The following CDH12 variants were observed in gnomAD, a reference collection of about 807,000 sequenced individuals.
CDH12 encodes cadherin 12, also known as cadherin-12.
A neutral mutation model predicts 74.1 loss-of-function variants in CDH12; 41 were observed. That is an observed-to-expected ratio of 0.55 (90% CI 0.43 to 0.72). The LOEUF is 0.72. CDH12 is among the 30% of genes least tolerant of loss of function. The probability of loss-of-function intolerance (pLI) is 0.00; values close to 1 mark genes in which losing one functional copy is unlikely to be tolerated. For missense variants in CDH12, 945 were observed against 977.2 expected, an observed-to-expected ratio of 0.97 and a Z score of 0.44; for synonymous variants, 399 against 355.0, an observed-to-expected ratio of 1.12 and a Z score of -1.39.
At chr5:22,546,968 T>C (rs1196817483) in intron 1 of CDH12, among the ~76,000 whole-genome samples, 2 of 152,140 alleles carry the variant, frequency 1.3e-5, no homozygotes, top group Non-Finnish European at 2.9e-5. Context: ...AAATAAAGCA[T>C]AGATCTGTTT....
At chr5:22,367,557 A>G (rs1254035404) in intron 3 of CDH12, among the ~76,000 whole-genome samples, 8 of 152,298 alleles carry the variant, frequency 5.3e-5, no homozygotes, top group South Asian at 2.1e-4. Flanking sequence ...ATACCTTGTG[A>G]CAGCAGAGAA....
chr5:22,337,754 C>A (rs979610214), intron 3 of CDH12, among the ~76,000 whole-genome samples: 1 of 152,030 alleles, frequency 6.6e-6, no homozygotes, highest in African/African-American at 2.4e-5. Flanking sequence ...ATACAATGGA[C>A]AAAATATTGG....
chr5:22,427,248 A>C (rs1265318531), intron 2 of CDH12, among the ~76,000 whole-genome samples: 1 of 151,934 alleles, frequency 6.6e-6, no homozygotes, highest in East Asian at 1.9e-4. Flanking sequence ...GCTCACTGCA[A>C]CCTCCGCCTC....
At chr5:22,507,967 C>A (rs10472482) in intron 1 of CDH12, among the ~76,000 whole-genome samples, 18,680 of 152,144 alleles carry the variant, frequency 0.12, 1,152 homozygotes, top group South Asian at 0.16. Context: ...CAAATTTCTT[C>A]CTCCTCCTTT....
At chr5:22,723,131 G>T (rs1004658496) in intron 1 of CDH12, among the ~76,000 whole-genome samples, 1 of 152,098 alleles carries the variant, frequency 6.6e-6, no homozygotes, top group Non-Finnish European at 1.5e-5. Flanking sequence ...GGGTTATAAG[G>T]CTTTCATTTT....
chr5:22,729,779 A>G (rs1040348661), intron 1 of CDH12, among the ~76,000 whole-genome samples: 1 of 151,938 alleles, frequency 6.6e-6, no homozygotes, highest in Non-Finnish European at 1.5e-5. Flanking sequence ...TAAGAATGCC[A>G]GCCTATGTGA....
chr5:22,138,229 T>C (rs1746570246), intron 4 of CDH12, among the ~76,000 whole-genome samples: 2 of 152,026 alleles, frequency 1.3e-5, no homozygotes, highest in African/African-American at 4.8e-5. Flanking sequence ...TATTTTAGTG[T>C]TGCAGCTTGG....
At chr5:22,591,396 C>T (rs538118604) in intron 1 of CDH12, among the ~76,000 whole-genome samples, 2 of 152,044 alleles carry the variant, frequency 1.3e-5, no homozygotes, top group South Asian at 4.2e-4. Flanking sequence ...AAATTATAGA[C>T]TAGATAATAT....
intron 1 of CDH12, among the ~76,000 whole-genome samples, chr5:22,592,225 T>C (rs1000310409): frequency 2.0e-5 from 3 of 152,246 alleles, no homozygotes; most frequent in Non-Finnish European, 4.4e-5. Flanking sequence ...TTTTCTCTTC[T>C]GAATAATCAC....
intron 1 of CDH12, among the ~76,000 whole-genome samples, chr5:22,717,365 A>G (rs1004440268): frequency 3.9e-5 from 6 of 152,192 alleles, no homozygotes; most frequent in African/African-American, 1.4e-4. Context: ...TGCATAGATC[A>G]GTAACGTAGG....
chr5:22,050,909 G>A (rs1279211354), intron 5 of CDH12, among the ~76,000 whole-genome samples: 1 of 152,104 alleles, frequency 6.6e-6, no homozygotes, highest in Non-Finnish European at 1.5e-5. Flanking sequence ...TACTACCAGT[G>A]TTCTCATTAA....
At chr5:21,979,267 T>C (rs1240600003) in intron 5 of CDH12, among the ~76,000 whole-genome samples, 1 of 152,204 alleles carries the variant, frequency 6.6e-6, no homozygotes, top group Non-Finnish European at 1.5e-5. Context: ...ATATCATCTT[T>C]TAGTATTGAC....
intron 4 of CDH12, among the ~76,000 whole-genome samples, chr5:22,192,692 TG>T: frequency 6.6e-6 from 1 of 152,006 alleles, no homozygotes; most frequent in South Asian, 2.1e-4. Flanking sequence ...TGGGATAAGC[TG>T]GGGGGATGTC....
intron 1 of CDH12, among the ~76,000 whole-genome samples, chr5:22,675,241 C>G (rs527583232): frequency 6.6e-6 from 1 of 152,144 alleles, no homozygotes; most frequent in Non-Finnish European, 1.5e-5. Flanking sequence ...TGCTTCCCAG[C>G]TGTTCCAGCC....
At chr5:22,774,618 C>T (rs1204262390) in intron 1 of CDH12, among the ~76,000 whole-genome samples, 2 of 152,244 alleles carry the variant, frequency 1.3e-5, no homozygotes, top group South Asian at 2.1e-4. Flanking sequence ...AACAATCGCT[C>T]TCTATTCCTG....
intron 8 of CDH12, among the ~76,000 whole-genome samples, chr5:21,833,125 T>TTA (rs1313106328): frequency 1.4e-5 from 1 of 69,420 alleles, no homozygotes; most frequent in Non-Finnish European, 2.4e-5. Flanking sequence ...ATAATATATA[T>TTA]TATATTATAA....
intron 1 of CDH12, among the ~76,000 whole-genome samples, chr5:22,622,621 G>C (rs1301685110): frequency 6.6e-6 from 1 of 152,148 alleles, no homozygotes; most frequent in Admixed American, 6.6e-5. Context: ...GAATAAACCA[G>C]GAAGAAGTTG....
intron 3 of CDH12, among the ~76,000 whole-genome samples, chr5:22,309,160 C>T (rs1242675483): frequency 6.6e-6 from 1 of 152,068 alleles, no homozygotes; most frequent in South Asian, 2.1e-4. Context: ...TATATTGAGG[C>T]TGGCATAAGA....
intron 3 of CDH12, among the ~76,000 whole-genome samples, chr5:22,369,286 AC>A (rs2126335745): frequency 6.6e-6 from 1 of 152,312 alleles, no homozygotes; most frequent in South Asian, 2.1e-4. Context: ...TTTTTGCTTA[AC>A]TTTTTAAAGA....
Sources: allele counts gnomAD v4.1 joint callset (sites outside exome capture counted in the v4.1 genomes callset), GRCh38; gene constraint gnomAD v4.1.1; transcripts MANE v1.5; gene names NCBI Gene and HGNC (gene_info 2026-07-23, HGNC 2026-07-21).